Variants in CLVS2 observed in about 807,000 individuals in gnomAD.
The protein encoded by CLVS2 is clavesin 2.
In CLVS2, 19 loss-of-function variants were observed where a neutral mutation model predicts 29.0. That is an observed-to-expected ratio of 0.66 (90% confidence interval 0.46 to 0.96). The LOEUF (loss-of-function observed/expected upper bound fraction) is 0.96, where lower values mean the gene tolerates loss of function less well. Among genes scored for constraint, CLVS2 ranks in the 40% least tolerant of loss-of-function variants. The pLI, the probability that CLVS2 is intolerant of heterozygous loss-of-function variation, is 0.00. For synonymous variants in CLVS2, 161 were observed against 151.3 expected (o/e 1.06, Z -0.47); for missense variants, 294 against 404.1 (o/e 0.73, Z 2.34).
chr6:123,010,995 G>C lies in CLVS2; in HGVS notation c.400G>C (p.Val134Leu). The change falls in exon 3 of 6, where the codon GTG becomes CTG. Residue 134 changes from valine (V) to leucine (L), a missense_variant. Coordinates refer to ENST00000275162, the MANE Select transcript of CLVS2 (RefSeq NM_001010852.4). ...ANWDQSRYTL[V>L]DILRAILLSL... ...TTCTGTCGCCGATAGGTACACACTG[G>C]TGGATATTTTGCGTGCCATCTTACT... 6.2e-7 allele frequency: 1 copy of C among 1,600,564 alleles called. No individual in the cohort carries two copies.
At chr6:123,063,369 G>A (rs1772806809) in intron 5 of CLVS2, among the ~76,000 whole-genome samples, 3 of 152,010 alleles carry the variant, frequency 2.0e-5, no homozygotes, top group African/African-American at 7.2e-5. Flanking sequence ...AGAAATTTGT[G>A]ATATCTCAAA....
intron 3 of CLVS2, among the ~76,000 whole-genome samples, chr6:123,041,426 C>A (rs1465211698): frequency 1.3e-5 from 2 of 151,912 alleles, no homozygotes; most frequent in South Asian, 2.1e-4. Flanking sequence ...TAGTGTGCAC[C>A]GAGAAGATAT....
intron 3 of CLVS2, among the ~76,000 whole-genome samples, chr6:123,032,133 A>G (rs1049724786): frequency 6.6e-6 from 1 of 152,060 alleles, no homozygotes; most frequent in Non-Finnish European, 1.5e-5. Context: ...ACTTAAACCT[A>G]CAGTTTCTTG....
intron 4 of CLVS2, among the ~76,000 whole-genome samples, chr6:123,049,209 T>A (rs1291791215): frequency 6.6e-6 from 1 of 152,184 alleles, no homozygotes; most frequent in Non-Finnish European, 1.5e-5. Context: ...AGAATGCTAA[T>A]GTGTGGAAAT....
At chr6:123,041,018 A>G (rs1775222553) in intron 3 of CLVS2, among the ~76,000 whole-genome samples, 1 of 152,180 alleles carries the variant, frequency 6.6e-6, no homozygotes, top group African/African-American at 2.4e-5. Flanking sequence ...GTATGAAACA[A>G]GTGGAACTCA....
intron 3 of CLVS2, among the ~76,000 whole-genome samples, chr6:123,038,959 A>G (rs1441840597): frequency 1.3e-5 from 2 of 152,160 alleles, no homozygotes; most frequent in Non-Finnish European, 1.5e-5. Context: ...TTTGAAGTTT[A>G]TTCCAATAAT....
intron 5 of CLVS2, among the ~76,000 whole-genome samples, chr6:123,061,752 A>C (rs188080867): frequency 8.7e-4 from 133 of 152,338 alleles, no homozygotes; most frequent in Admixed American, 1.6e-3. Context: ...ATATGTGAGC[A>C]TGTCTGTATA....
At chr6:122,999,823 T>A (rs1489065772) in intron 2 of CLVS2, among the ~76,000 whole-genome samples, 1 of 152,192 alleles carries the variant, frequency 6.6e-6, no homozygotes, top group African/African-American at 2.4e-5. Flanking sequence ...CAGAGAGGCA[T>A]ACATATATAT....
In CLVS2 at chr6:123,064,576, C is replaced by T. The variant is rs1269690158; in HGVS notation, c.*815C>T. On this transcript the variant is annotated 3_prime_UTR_variant, in exon 6 of 6. Coordinates refer to ENST00000275162, the MANE Select transcript of CLVS2 (RefSeq NM_001010852.4). ...CTCTTTGACTAAGAGAATGAGAACTCATGTGAACAGTGTTCTGACAGCTAA... is the reference window on the plus strand; with the variant it reads ...CTCTTTGACTAAGAGAATGAGAACTTATGTGAACAGTGTTCTGACAGCTAA... 1 of 151,852 alleles carries T rather than the reference C, an allele frequency of 6.6e-6. No individual in the cohort carries two copies. Among genetic ancestry groups the T allele is most frequent in the African/African-American group, 2.4e-5 (1 of 41,392 alleles). 9.4% of individuals were successfully genotyped at this position (151,852 alleles called of 1,614,324 possible).
chr6:123,022,069 C>G (rs577509636), intron 3 of CLVS2, among the ~76,000 whole-genome samples: 1 of 152,082 alleles, frequency 6.6e-6, no homozygotes, highest in East Asian at 1.9e-4. Context: ...CTTTGGGTAT[C>G]AAGGCCCCTA....
At chr6:123,061,442 TA>T (rs928391970) in intron 5 of CLVS2, among the ~76,000 whole-genome samples, 5 of 151,176 alleles carry the variant, frequency 3.3e-5, no homozygotes, top group African/African-American at 9.7e-5. Context: ...TAAAAGAGAC[TA>T]AAAAAAAATT....
In CLVS2 at chr6:123,067,752, C is replaced by T. The variant is rs1772884606; in HGVS notation, c.*3991C>T. On this transcript the variant is annotated 3_prime_UTR_variant, in exon 6 of 6. Transcript: ENST00000275162. The stretch of plus-strand genomic sequence containing the variant: ...GAAATTTGTGAGGTCACTGATCATA[C>T]AAGAAGAGGCAGATTATAAACCAAC... 6.6e-6 allele frequency: 1 copy of T among 151,626 alleles called. No homozygotes were observed. Among genetic ancestry groups the T allele is most frequent in the African/African-American group, 2.4e-5 (1 of 41,352 alleles). The allele number at this position is 151,626 out of a possible 1,614,324, so 9.4% of individuals were successfully genotyped here. A position where few individuals can be genotyped will look rare whatever the true frequency, so the allele number is the denominator to read the frequency against.
intron 2 of CLVS2, 123 bp downstream of exon 2, chr6:122,998,289 A>G (rs773026828): frequency 5.7e-5 from 70 of 1,233,158 alleles, no homozygotes; most frequent in Non-Finnish European, 7.3e-5. Context: ...GAAAAGAGAA[A>G]CAAACCAGGA....
chr6:123,039,266 C>T (rs538360507), intron 3 of CLVS2, among the ~76,000 whole-genome samples: 1 of 152,074 alleles, frequency 6.6e-6, no homozygotes, highest in Non-Finnish European at 1.5e-5. Context: ...GTAGGAGACC[C>T]AATCCATTAT....
intron 3 of CLVS2, among the ~76,000 whole-genome samples, chr6:123,021,287 A>G (rs1438898545): frequency 6.6e-6 from 1 of 152,068 alleles, no homozygotes; most frequent in African/African-American, 2.4e-5. Flanking sequence ...CTTGGCTTCA[A>G]ACAAGTTCTT....
At chr6:123,009,666 T>C (rs766546732) in intron 2 of CLVS2, among the ~76,000 whole-genome samples, 26 of 152,172 alleles carry the variant, frequency 1.7e-4, no homozygotes, top group Admixed American at 5.2e-4. Context: ...TCTCTTTCTC[T>C]AGCTATTCCT....
intron 5 of CLVS2, among the ~76,000 whole-genome samples, chr6:123,062,032 C>A (rs963125442): frequency 4.6e-5 from 7 of 152,124 alleles, no homozygotes; most frequent in African/African-American, 1.7e-4. Flanking sequence ...AGAACTTACT[C>A]TTTTCCAAGC....
chr6:123,059,854 C>A (rs1460033672), intron 5 of CLVS2, among the ~76,000 whole-genome samples: 1 of 152,136 alleles, frequency 6.6e-6, no homozygotes, highest in Non-Finnish European at 1.5e-5. Context: ...ACCATTTTCT[C>A]CCCTACACAC....
At chr6:123,042,945 G>A (rs1775255546) in intron 3 of CLVS2, among the ~76,000 whole-genome samples, 2 of 152,148 alleles carry the variant, frequency 1.3e-5, no homozygotes, top group South Asian at 4.1e-4. Flanking sequence ...GTCATATTTA[G>A]GGAATCACAG....
Sources: allele counts gnomAD v4.1 joint callset (sites outside exome capture counted in the v4.1 genomes callset), GRCh38; gene constraint gnomAD v4.1.1; transcripts MANE v1.5; gene names NCBI Gene and HGNC (gene_info 2026-07-23, HGNC 2026-07-21).